Variants in MAD1L1 observed in about 807,000 individuals in gnomAD.
MAD1L1 encodes the protein mitotic arrest deficient 1 like 1, also known as mitotic spindle assembly checkpoint protein MAD1.
Under a neutral mutation model 96.9 loss-of-function variants are expected in MAD1L1, and 95 were observed. The ratio of observed to expected loss-of-function variants is 0.98; its 90% CI spans 0.83 to 1.16. The LOEUF is 1.16. Among genes scored for constraint, MAD1L1 ranks in the 50% most tolerant of loss-of-function variants. The pLI, the probability that MAD1L1 is intolerant of heterozygous loss-of-function variation, is 0.00. For synonymous variants in MAD1L1, 473 were observed against 396.6 expected, an observed-to-expected ratio of 1.19 and a Z score of -2.29; for missense variants, 1,007 against 954.4, an observed-to-expected ratio of 1.06 and a Z score of -0.73.
At chr7:2,135,143 C>G (rs907231589) in intron 11 of MAD1L1, among the ~76,000 whole-genome samples, 3 of 152,246 alleles carry the variant, frequency 2.0e-5, no homozygotes, top group Non-Finnish European at 4.4e-5. Flanking sequence ...GGTGAGCGCA[C>G]CTGCCTTCAG....
chr7:1,935,988 C>G (rs12699483), intron 17 of MAD1L1, among the ~76,000 whole-genome samples: 44,005 of 152,260 alleles, frequency 0.29, 7,626 homozygotes, highest in East Asian at 0.47. Context: ...CAGCTCCCTC[C>G]AACAGCAGAG....
intron 18 of MAD1L1, among the ~76,000 whole-genome samples, chr7:1,818,035 G>A (rs1338552135): frequency 6.6e-6 from 1 of 151,916 alleles, no homozygotes; most frequent in African/African-American, 2.4e-5. Flanking sequence ...CCTTGTCATA[G>A]TTCAACACAA....
At chr7:2,144,544 C>T (rs1789199954) in intron 11 of MAD1L1, among the ~76,000 whole-genome samples, 1 of 152,190 alleles carries the variant, frequency 6.6e-6, no homozygotes, top group Non-Finnish European at 1.5e-5. Flanking sequence ...CCCCCCAGAT[C>T]TGAAAGATGA....
intron 12 of MAD1L1, among the ~76,000 whole-genome samples, chr7:2,016,068 A>G (rs527762841): frequency 1.9e-4 from 29 of 152,278 alleles, no homozygotes; most frequent in African/African-American, 7.0e-4. Context: ...TCCTTTGTTG[A>G]TAAGATGGGA....
chr7:2,197,500 C>T (rs757876871), intron 10 of MAD1L1, among the ~76,000 whole-genome samples: 3 of 152,186 alleles, frequency 2.0e-5, no homozygotes, highest in African/African-American at 4.8e-5. Context: ...ATCACTCCGC[C>T]GACGCCTGGT....
intron 14 of MAD1L1, among the ~76,000 whole-genome samples, chr7:1,997,579 C>T (rs1033076416): frequency 3.9e-5 from 6 of 152,284 alleles, no homozygotes; most frequent in Admixed American, 3.9e-4. Flanking sequence ...CAGGCTGTCC[C>T]GCAGCCCAGA....
intron 17 of MAD1L1, among the ~76,000 whole-genome samples, chr7:1,914,706 C>T (rs34042877): frequency 4.7e-4 from 71 of 152,352 alleles, no homozygotes; most frequent in African/African-American, 1.6e-3. Flanking sequence ...CTTGACCTCC[C>T]AGGCCCAAGC....
chr7:2,194,069 G>T (rs547622193), intron 10 of MAD1L1, among the ~76,000 whole-genome samples: 1 of 148,440 alleles, frequency 6.7e-6, no homozygotes, highest in Non-Finnish European at 1.5e-5. Context: ...TTGGCCTCTC[G>T]AGTTGTTGGG....
chr7:2,163,660 A>G (rs775119360), intron 10 of MAD1L1, among the ~76,000 whole-genome samples: 1 of 152,202 alleles, frequency 6.6e-6, no homozygotes, highest in Non-Finnish European at 1.5e-5. Context: ...GGCGTGAGCC[A>G]CAGAAGCACA....
chr7:1,843,056 G>A (rs1783368207), intron 18 of MAD1L1, among the ~76,000 whole-genome samples: 1 of 152,212 alleles, frequency 6.6e-6, no homozygotes, highest in Non-Finnish European at 1.5e-5. Context: ...AGTCCCTCTG[G>A]GGACCATCTG....
chr7:1,962,825 T>C (rs1447037912), intron 15 of MAD1L1, among the ~76,000 whole-genome samples: 1 of 152,196 alleles, frequency 6.6e-6, no homozygotes, highest in Non-Finnish European at 1.5e-5. Context: ...TGCACACCTG[T>C]AGTCCCAGCT....
intron 10 of MAD1L1, among the ~76,000 whole-genome samples, chr7:2,207,770 C>T (rs1792677553): frequency 6.6e-6 from 1 of 152,180 alleles, no homozygotes; most frequent in Admixed American, 6.5e-5. Flanking sequence ...AACAGCCTGT[C>T]AGTCAGAAGT....
chr7:2,045,631 C>T (rs1783885526), intron 12 of MAD1L1, among the ~76,000 whole-genome samples: 1 of 151,920 alleles, frequency 6.6e-6, no homozygotes, highest in Non-Finnish European at 1.5e-5. Context: ...AAGCTTAGTA[C>T]AGCACCTGAC....
chr7:1,823,286 T>C (rs1782224665), intron 18 of MAD1L1, among the ~76,000 whole-genome samples: 2 of 152,056 alleles, frequency 1.3e-5, no homozygotes, highest in Admixed American at 1.3e-4. Context: ...CGAACTTACA[T>C]GTAAAACACA....
intron 12 of MAD1L1, 134 bp from the exon 13 acceptor site, chr7:2,014,776 G>A: frequency 9.7e-7 from 1 of 1,028,924 alleles, no homozygotes; most frequent in Non-Finnish European, 1.3e-6. Context: ...AGCACTCAGA[G>A]CCCACCCCTG....
intron 11 of MAD1L1, among the ~76,000 whole-genome samples, chr7:2,085,146 C>T (rs1785845817): frequency 6.6e-6 from 1 of 152,228 alleles, no homozygotes; most frequent in East Asian, 1.9e-4. Context: ...AGCTCACATG[C>T]TAGCCACGGG....
At chr7:2,077,123 A>G (rs1176836318) in intron 11 of MAD1L1, among the ~76,000 whole-genome samples, 1 of 151,942 alleles carries the variant, frequency 6.6e-6, no homozygotes, top group Non-Finnish European at 1.5e-5. Context: ...CGAGATGGTT[A>G]CGACATGGTG....
At chr7:2,025,145 A>G (rs1437921367) in intron 12 of MAD1L1, among the ~76,000 whole-genome samples, 2 of 152,246 alleles carry the variant, frequency 1.3e-5, no homozygotes, top group Non-Finnish European at 2.9e-5. Flanking sequence ...ATCATATGAG[A>G]GCTCTATGCT....
intron 18 of MAD1L1, among the ~76,000 whole-genome samples, chr7:1,876,052 C>T (rs189792468): frequency 2.6e-5 from 4 of 152,220 alleles, no homozygotes; most frequent in African/African-American, 4.8e-5. Flanking sequence ...GTGAGACACA[C>T]GTTTGCGGTC....
Sources: allele counts gnomAD v4.1 joint callset (sites outside exome capture counted in the v4.1 genomes callset), GRCh38; gene constraint gnomAD v4.1.1; transcripts MANE v1.5; gene names NCBI Gene and HGNC (gene_info 2026-07-23, HGNC 2026-07-21).